Variants in RALYL observed in about 807,000 individuals in gnomAD.
RALYL encodes RALY RNA binding protein like.
Under a neutral mutation model 35.1 loss-of-function variants are expected in RALYL, and 29 were observed. The observed-to-expected ratio is 0.83, with a 90% CI of 0.61 to 1.13. The LOEUF (loss-of-function observed/expected upper bound fraction) is 1.13. RALYL is among the 50% of genes most tolerant of loss of function. The probability of loss-of-function intolerance (pLI) is 0.00; values close to 1 mark genes in which losing one functional copy is unlikely to be tolerated. For synonymous variants in RALYL, 120 were observed against 127.6 expected (o/e 0.94, Z 0.40); for missense variants, 359 against 360.4 (o/e 1.00, Z 0.03).
chr8:84,488,732 T>TA (rs984711540), intron 1 of RALYL, among the ~76,000 whole-genome samples: 10 of 151,998 alleles, frequency 6.6e-5, no homozygotes, highest in African/African-American at 1.4e-4. Flanking sequence ...AGTTGGTGCC[T>TA]AAAAAGAACA....
intron 1 of RALYL, among the ~76,000 whole-genome samples, chr8:84,244,389 A>C (rs1828642496): frequency 1.3e-5 from 2 of 152,226 alleles, no homozygotes; most frequent in Admixed American, 6.6e-5. Flanking sequence ...ATGAGGTTAT[A>C]CAACATTCCA....
intron 1 of RALYL, among the ~76,000 whole-genome samples, chr8:84,411,951 T>G (rs1389961136): frequency 6.6e-6 from 1 of 151,934 alleles, no homozygotes; most frequent in Non-Finnish European, 1.5e-5. Context: ...GGTAAGTTAT[T>G]TAAAAAAATT....
At chr8:84,333,863 G>C (rs968230991) in intron 1 of RALYL, among the ~76,000 whole-genome samples, 9 of 152,024 alleles carry the variant, frequency 5.9e-5, no homozygotes, top group African/African-American at 1.9e-4. Context: ...GGTGGGGGCA[G>C]CTTGAAAGAG....
intron 7 of RALYL, among the ~76,000 whole-genome samples, chr8:84,876,647 G>T (rs1357610899): frequency 2.0e-5 from 3 of 152,188 alleles, no homozygotes; most frequent in Non-Finnish European, 2.9e-5. Flanking sequence ...CATTTCAAGT[G>T]CAGACTTTCT....
intron 2 of RALYL, among the ~76,000 whole-genome samples, chr8:84,747,730 ATCTC>A (rs1346276292): frequency 6.6e-6 from 1 of 151,954 alleles, no homozygotes; most frequent in East Asian, 1.9e-4. Flanking sequence ...TTAATTTATT[ATCTC>A]TCTAATTATT....
chr8:84,420,465 G>A (rs1197003162), intron 1 of RALYL, among the ~76,000 whole-genome samples: 7 of 150,910 alleles, frequency 4.6e-5, no homozygotes, highest in African/African-American at 9.8e-5. Flanking sequence ...CAGATGAGTT[G>A]GTTGCAAAAA....
At chr8:84,644,140 G>A (rs1423238421) in intron 2 of RALYL, among the ~76,000 whole-genome samples, 1 of 151,978 alleles carries the variant, frequency 6.6e-6, no homozygotes, top group Non-Finnish European at 1.5e-5. Flanking sequence ...CAAGGCTATA[G>A]CTTAAGACTA....
chr8:84,222,175 T>C (rs756365869), intron 1 of RALYL, among the ~76,000 whole-genome samples: 5 of 152,040 alleles, frequency 3.3e-5, no homozygotes, highest in Non-Finnish European at 5.9e-5. Context: ...TAAATTACTA[T>C]TATGCTTGCA....
At chr8:84,692,513 G>C (rs1288376285) in intron 2 of RALYL, among the ~76,000 whole-genome samples, 1 of 151,928 alleles carries the variant, frequency 6.6e-6, no homozygotes, top group Admixed American at 6.6e-5. Flanking sequence ...TGCAAAACCT[G>C]TTCATGGATT....
At chr8:84,389,796 C>G (rs1213825923) in intron 1 of RALYL, among the ~76,000 whole-genome samples, 1 of 149,970 alleles carries the variant, frequency 6.7e-6, no homozygotes, top group Non-Finnish European at 1.5e-5. Flanking sequence ...CAAACAGGGA[C>G]AATTTGACTT....
chr8:84,853,349 A>G (rs1836274306), intron 5 of RALYL, among the ~76,000 whole-genome samples: 1 of 152,238 alleles, frequency 6.6e-6, no homozygotes, highest in Non-Finnish European at 1.5e-5. Context: ...CAATAAAATC[A>G]TTAGATTAGA....
intron 2 of RALYL, among the ~76,000 whole-genome samples, chr8:84,640,007 A>G (rs1183604237): frequency 1.3e-5 from 2 of 151,982 alleles, no homozygotes; most frequent in Admixed American, 1.3e-4. Flanking sequence ...CTGTGTGCCC[A>G]TCCCTGACTT....
At chr8:84,613,860 T>TTATATATATATA (rs34184283) in intron 2 of RALYL, among the ~76,000 whole-genome samples, 1 of 142,100 alleles carries the variant, frequency 7.0e-6, no homozygotes, top group African/African-American at 2.6e-5. Flanking sequence ...TTCTTCAGAT[T>TTATATATATATA]TATATATATA....
At chr8:84,410,786 G>T (rs1188872114) in intron 1 of RALYL, among the ~76,000 whole-genome samples, 1 of 151,534 alleles carries the variant, frequency 6.6e-6, no homozygotes, top group Non-Finnish European at 1.5e-5. Flanking sequence ...TTTCTTACCT[G>T]TTAAGGAAAA....
intron 1 of RALYL, among the ~76,000 whole-genome samples, chr8:84,400,609 C>T (rs954171719): frequency 7.2e-5 from 11 of 152,078 alleles, no homozygotes; most frequent in Non-Finnish European, 7.4e-5. Flanking sequence ...ATTTCTAAAT[C>T]GGGCTTTATA....
chr8:84,444,447 A>G (rs572792984), intron 1 of RALYL, among the ~76,000 whole-genome samples: 1 of 152,264 alleles, frequency 6.6e-6, no homozygotes, highest in Admixed American at 6.5e-5. Context: ...AGAAAAAACA[A>G]CAGGTTGTTT....
At chr8:84,674,094 C>T (rs1833758439) in intron 2 of RALYL, among the ~76,000 whole-genome samples, 1 of 151,960 alleles carries the variant, frequency 6.6e-6, no homozygotes, top group South Asian at 2.1e-4. Flanking sequence ...TTTCACTTTC[C>T]TAATTAGCTG....
chr8:84,388,660 T>C lies in RALYL; in HGVS notation c.-23-140639T>C, dbSNP rs528027471. 2.8e-3 allele frequency among the ~76,000 whole-genome samples: 432 copies of C among 152,314 alleles called. 2 individuals are homozygous for C. The Middle Eastern group carries it at 0.037, about 13-fold the overall frequency. On this transcript the variant is annotated intron_variant, in intron 1 of 8. Transcript: ENST00000521268. ...TCTTCTTTTGAGAAGTGTCTGTTCA[T>C]GTCCTTCGCCCACTTTTTGATGGGG...
chr8:84,403,522 C>CTTTTTTT (rs2043136000), intron 1 of RALYL, among the ~76,000 whole-genome samples: 2 of 52,118 alleles, frequency 3.8e-5, no homozygotes, highest in African/African-American at 6.8e-5. Context: ...GTCTATATCT[C>CTTTTTTT]TGTTTTTTTT....
Sources: gnomAD v4.1 joint callset for allele counts (sites outside exome capture counted in the v4.1 genomes callset) on GRCh38, gnomAD v4.1.1 for gene constraint, MANE v1.5 for transcripts, NCBI Gene and HGNC (gene_info 2026-07-23, HGNC 2026-07-21) for gene names.